The following ATP2B3 variants were observed in gnomAD, a reference collection of about 807,000 sequenced individuals.
The protein encoded by ATP2B3 is plasma membrane calcium-transporting ATPase 3.
In ATP2B3, 12 loss-of-function variants were observed where a neutral mutation model predicts 70.8. The observed-to-expected ratio is 0.17, with a 90% CI of 0.11 to 0.27. The LOEUF is 0.27. ATP2B3 is among the 10% of genes least tolerant of loss of function. The pLI is 1.00. For synonymous variants in ATP2B3, 460 were observed against 497.8 expected (o/e 0.92, Z 1.01); for missense variants, 858 against 1,118.5 (o/e 0.77, Z 3.32).
intron 15 of ATP2B3, 128 bp downstream of exon 15, chrX:153,556,546 T>C: frequency 1.4e-6 from 1 of 722,131 alleles, no homozygotes; most frequent in Non-Finnish European, 2.0e-6. Context: ...TTTGTCCCAT[T>C]AGCCCAGAGC....
intron 2 of ATP2B3, among the ~76,000 whole-genome samples, chrX:153,522,812 C>T (rs1462590392): frequency 1.8e-5 from 2 of 111,782 alleles, no homozygotes; most frequent in African/African-American, 6.5e-5. Flanking sequence ...AAACCAGATC[C>T]GGCCACCGCC....
chrX:153,545,350 T>C (rs1557008311), intron 7 of ATP2B3, among the ~76,000 whole-genome samples: 1 of 112,975 alleles, frequency 8.9e-6, no homozygotes, highest in Admixed American at 9.3e-5. Context: ...CGCAGAGTCC[T>C]AGCGTCTCAT....
At chrX:153,538,063 C>T (rs910575394) in intron 3 of ATP2B3, among the ~76,000 whole-genome samples, 2 of 112,835 alleles carry the variant, frequency 1.8e-5, no homozygotes, top group Non-Finnish European at 3.8e-5. Flanking sequence ...AGCAGAGGAC[C>T]GGCCCCTCCC....
chrX:153,536,948 T>A lies in ATP2B3; in HGVS notation c.208+493T>A, dbSNP rs2090200928. ...ATGGCCTGGGGATGGCACAAGCCAT[T>A]TGGGTCTGGCAGGAAGGGGTGACCG... On this transcript the variant is annotated intron_variant, in intron 3 of 21. Coordinates refer to ENST00000263519, the MANE Select transcript of ATP2B3 (RefSeq NM_001001344.3). Among the ~76,000 whole-genome samples, 9 of 111,637 alleles carry A rather than the reference T, an allele frequency of 8.1e-5. No homozygotes were observed. The Admixed American group carries it at 8.5e-4, about 10-fold the overall frequency.
chrX:153,542,525 C>T, intron 6 of ATP2B3, 77 bp downstream of exon 6: 1 of 1,139,937 alleles, frequency 8.8e-7, no homozygotes, highest in Non-Finnish European at 1.2e-6. Flanking sequence ...GTCCAGGCTG[C>T]CTGCTGGGCT....
intron 21 of ATP2B3, among the ~76,000 whole-genome samples, chrX:153,573,982 A>G (rs1403046129): frequency 1.8e-5 from 2 of 112,764 alleles, no homozygotes; most frequent in Non-Finnish European, 3.8e-5. Flanking sequence ...CTTTGGTTCA[A>G]TTCCTTGGGG....
intron 20 of ATP2B3, among the ~76,000 whole-genome samples, chrX:153,563,119 T>C (rs1451649591): frequency 9.9e-6 from 1 of 101,236 alleles, no homozygotes; most frequent in Admixed American, 1.1e-4. Flanking sequence ...GTTCAGTCCA[T>C]AGCATTCTGG....
chrX:153,524,939 G>A (rs1327833202), intron 2 of ATP2B3, among the ~76,000 whole-genome samples: 1 of 111,816 alleles, frequency 8.9e-6, no homozygotes, highest in African/African-American at 3.3e-5. Flanking sequence ...AGATGAGTCC[G>A]GTCCCCATGG....
In ATP2B3 at chrX:153,564,961, A is replaced by G. The variant is rs2124513863; in HGVS notation, c.3200A>G (p.Lys1067Arg). Residue 1067 changes from lysine (K) to arginine (R), a missense_variant, in exon 21 of 22, where the codon AAG becomes AGG. Transcript: ENST00000263519. ...CCCACCAGCCAGCTCAAGTGCCTGA[A>G]GGAAGCCGGGCACGGGCCCGGGAAG... ...TIPTSQLKCL[K>R]EAGHGPGKDE... The G allele has an allele frequency of 4.2e-6, 5 of 1,199,205 alleles. No homozygotes were observed. The East Asian group carries it at 1.2e-4, about 29-fold the overall frequency.
chrX:153,517,997 C>G (rs1363803730), intron 1 of ATP2B3, 122 bp downstream of exon 1: 3 of 109,724 alleles, frequency 2.7e-5, no homozygotes, highest in African/African-American at 6.5e-5. Context: ...TAGGGGGACA[C>G]GGGTCCCCGC....
At chrX:153,518,660 A>G (rs1420299164) in intron 2 of ATP2B3, among the ~76,000 whole-genome samples, 109 bp downstream of exon 2, 2 of 108,192 alleles carry the variant, frequency 1.8e-5, no homozygotes, top group African/African-American at 6.8e-5. Context: ...CCGGCTGAGG[A>G]GGGGTGGGAG....
chrX:153,550,975 C>A (rs1482760636), intron 12 of ATP2B3, among the ~76,000 whole-genome samples: 1 of 112,222 alleles, frequency 8.9e-6, no homozygotes. Flanking sequence ...ATCCCTTCAT[C>A]TGTCTACCAG....
Position 153,541,782 on chromosome X carries a change from A to C in ATP2B3, c.520A>C (p.Asn174His). ...CTGTGTGGTGCTGGTCACGGCCTTC[A>C]ATGACTGGAGCAAGGAGAAGCAGTT... ...VICVVLVTAFNDWSKEKQFRG... is the reference protein window; with the variant it reads ...VICVVLVTAFHDWSKEKQFRG... Residue 174 changes from asparagine to histidine, a missense_variant, in exon 5 of 22, where the codon AAT becomes CAT. Physicochemically the swap from Asn to His is moderately conservative, Grantham distance 68. Coordinates refer to ENST00000263519, the MANE Select transcript of ATP2B3 (RefSeq NM_001001344.3). 1 of 1,211,526 alleles carries C rather than the reference A, an allele frequency of 8.3e-7. No individual in the cohort carries two copies. Among genetic ancestry groups the C allele is most frequent in the Non-Finnish European group, 1.1e-6 (1 of 895,495 alleles).
Position 153,553,137 on chromosome X carries a change from C to T in ATP2B3, c.1926C>T (p.Gly642=). The T allele has an allele frequency of 8.3e-7, 1 of 1,210,106 alleles. No homozygotes were observed. Among genetic ancestry groups the T allele is most frequent in the Non-Finnish European group, 1.1e-6 (1 of 895,084 alleles). ...TCATCGAGCCGATGGCTTGCGATGGCCTCCGCACCATCTGCATCGCCTACC... is the reference window on the plus strand; with the variant it reads ...TCATCGAGCCGATGGCTTGCGATGGTCTCCGCACCATCTGCATCGCCTACC... ...RKIIEPMACD[G]LRTICIAYRD... The change falls in exon 13 of 22, where the codon GGC becomes GGT. Residue 642 remains glycine, a synonymous_variant. Transcript: ENST00000263519.
In ATP2B3 at chrX:153,547,953, C is replaced by T. The variant is rs1557009447; in HGVS notation, c.1077C>T (p.Val359=). ...KANAPKKEKS[V]LQGKLTKLAV... ...ACGCACCCAAAAAGGAGAAGTCTGT[C>T]CTTCAGGGGAAGCTCACAAAGCTAG... Residue 359 remains valine, a synonymous_variant, in exon 9 of 22, where the codon GTC becomes GTT. Coordinates refer to ENST00000263519, the MANE Select transcript of ATP2B3 (RefSeq NM_001001344.3). The T allele has an allele frequency of 8.3e-7, 1 of 1,210,356 alleles. No homozygotes were observed. The highest frequency in any genetic ancestry group is 1.8e-5 in the South Asian group (1 of 56,595).
chrX:153,569,232 G>A (rs1557019113), intron 21 of ATP2B3: 4 of 438,301 alleles, frequency 9.1e-6, no homozygotes, highest in Non-Finnish European at 1.7e-5. Flanking sequence ...ATAGGAGCGT[G>A]TCATGTCCCT....
intron 7 of ATP2B3, 78 bp from the exon 8 acceptor site, chrX:153,546,010 C>CT (rs2090359975): frequency 8.9e-7 from 1 of 1,128,049 alleles, no homozygotes; most frequent in Admixed American, 2.2e-5. Flanking sequence ...CAGGCCCCTC[C>CT]TCCCCACCCC....
intron 4 of ATP2B3, 48 bp downstream of exon 4, chrX:153,541,604 G>A: frequency 8.3e-7 from 1 of 1,208,115 alleles, no homozygotes; most frequent in Non-Finnish European, 1.1e-6. Context: ...AATGGGGCTT[G>A]AGATGAGGGA....
At chrX:153,521,990 C>T (rs2089965798) in intron 2 of ATP2B3, among the ~76,000 whole-genome samples, 1 of 112,259 alleles carries the variant, frequency 8.9e-6, no homozygotes, top group African/African-American at 3.2e-5. Context: ...GCAGCTTGGG[C>T]TCCCCCAGAG....
Sources: allele counts gnomAD v4.1 joint callset (sites outside exome capture counted in the v4.1 genomes callset), GRCh38; gene constraint gnomAD v4.1.1; transcripts MANE v1.5; gene names NCBI Gene and HGNC (gene_info 2026-07-23, HGNC 2026-07-21).